DLEC1: variants seen among roughly 807,000 people sequenced by gnomAD.
DLEC1 encodes the protein DLEC1 cilia and flagella associated protein, also known as deleted in lung and esophageal cancer protein 1.
In DLEC1, 146 loss-of-function variants were observed where a neutral mutation model predicts 198.1. The ratio of observed to expected loss-of-function variants is 0.74; its 90% CI spans 0.64 to 0.85. DLEC1 has a LOEUF of 0.85. Ranked by LOEUF, DLEC1 falls within the 40% of genes least tolerant of loss-of-function variation. The pLI is 0.00. For missense variants in DLEC1, 2,233 were observed against 2,220.0 expected (o/e 1.01, Z -0.12); for synonymous variants, 897 against 866.8 (o/e 1.03, Z -0.61).
At position 38,109,437 on chromosome 3, in the gene DLEC1, G is replaced by A; in HGVS notation, c.3135G>A (p.Glu1045=). 1 of 1,614,178 alleles carries A rather than the reference G, an allele frequency of 6.2e-7. No homozygotes were observed. The highest frequency in any genetic ancestry group is 8.5e-7 in the Non-Finnish European group (1 of 1,180,000). The change falls in exon 22 of 37, where the codon GAG becomes GAA. Residue 1045 remains glutamate, a synonymous_variant. Coordinates refer to ENST00000308059, the MANE Select transcript of DLEC1 (RefSeq NM_007335.4). ...KLELTAHTQE[E]LTHLALPCHV... is the part of the protein sequence containing the mutation. ...CTGGATGGGCTTTCTTATAGGAAGA[G>A]CTGACCCATCTGGCCCTCCCTTGTC...
intron 6 of DLEC1, among the ~76,000 whole-genome samples, chr3:38,073,459 A>G (rs13088469): frequency 0.42 from 63,578 of 151,838 alleles, 13,906 homozygotes; most frequent in East Asian, 0.6. Context: ...GGATGGTAAT[A>G]GGCATGTGAT....
chr3:38,085,873 G>A (rs1455751493), intron 8 of DLEC1, among the ~76,000 whole-genome samples: 1 of 152,132 alleles, frequency 6.6e-6, no homozygotes, highest in Non-Finnish European at 1.5e-5. Context: ...CTCCCTCAGC[G>A]ACAAGCTTCT....
intron 2 of DLEC1, among the ~76,000 whole-genome samples, chr3:38,057,952 G>T (rs1412485068): frequency 6.6e-6 from 1 of 151,880 alleles, no homozygotes; most frequent in East Asian, 1.9e-4. Flanking sequence ...GAGTAGCTGG[G>T]ACTATAGGCG....
intron 10 of DLEC1, among the ~76,000 whole-genome samples, chr3:38,090,355 A>G (rs1322575339): frequency 6.6e-6 from 1 of 152,206 alleles, no homozygotes; most frequent in Non-Finnish European, 1.5e-5. Flanking sequence ...GCAACTGCAC[A>G]TGTTTTTACC....
chr3:38,053,859 T>A (rs1260535120), intron 2 of DLEC1, among the ~76,000 whole-genome samples: 1 of 152,248 alleles, frequency 6.6e-6, no homozygotes, highest in East Asian at 1.9e-4. Context: ...AGAAAAATTC[T>A]TCTGCCTTGG....
chr3:38,121,643 G>A lies in DLEC1; in HGVS notation c.4882G>A (p.Ala1628Thr), dbSNP rs372832266. The A allele has an allele frequency of 9.3e-6, 15 of 1,613,664 alleles. No homozygotes were observed. The African/African-American group carries it at 1.7e-4, about 19-fold the overall frequency. The change falls in exon 35 of 37, where the codon GCT becomes ACT. Residue 1628 changes from alanine to threonine, a missense_variant. Coordinates refer to ENST00000308059, the MANE Select transcript of DLEC1 (RefSeq NM_007335.4). ...NQTTQVVPLR[A>T]VVAVPELQLS... Reference sequence around the variant, plus strand: ...TCTCCCACAGGTGGTGCCCCTGCGGGCTGTGGTGGCCGTGCCTGAGCTGCA... The same window carrying A: ...TCTCCCACAGGTGGTGCCCCTGCGGACTGTGGTGGCCGTGCCTGAGCTGCA...
rs1379540428 is a variant in DLEC1, at chr3:38,062,488, G to T, written c.874-93G>T. 4 of 1,575,772 alleles carry T rather than the reference G, an allele frequency of 2.5e-6. No individual in the cohort carries two copies. In the African/African-American group the frequency reaches 5.4e-5, roughly 21 times the overall value. Reference sequence around the variant, plus strand: ...CATCGCAAAATAGAGTAGAGCTTGTGTTGGCCATCTATGGGTCATGCAGTT... The same window carrying T: ...CATCGCAAAATAGAGTAGAGCTTGTTTTGGCCATCTATGGGTCATGCAGTT... On this transcript the variant is annotated intron_variant, in intron 4 of 36. Coordinates refer to ENST00000308059, the MANE Select transcript of DLEC1 (RefSeq NM_007335.4).
In DLEC1 at chr3:38,039,492, C is replaced by G; in HGVS notation, c.267C>G (p.Thr89=). 6.2e-7 allele frequency: 1 copy of G among 1,614,062 alleles called. No individual in the cohort carries two copies. The highest frequency in any genetic ancestry group is 1.1e-5 in the South Asian group (1 of 91,090). ...GTCTGCGCCCCTCCTCGCTGCGCAC[C>G]CAAGATATCTCGCACTTGCTCACCG... The part of the protein sequence containing the change: ...LLRLRPSSLR[T]QDISHLLTGV... Residue 89 remains threonine (T), a synonymous_variant, in exon 1 of 37, where the codon ACC becomes ACG. Transcript: ENST00000308059.
At chr3:38,062,503 G>A (rs757904431) in intron 4 of DLEC1, 78 bp from the exon 5 acceptor site, 103 of 1,581,820 alleles carry the variant, frequency 6.5e-5, no homozygotes, top group Non-Finnish European at 8.7e-5. Flanking sequence ...CCATCTATGG[G>A]TCATGCAGTT....
At position 38,045,545 on chromosome 3, in the gene DLEC1, T is replaced by G; in HGVS notation, c.414T>G (p.Ile138Met). The change falls in exon 2 of 37, where the codon ATT becomes ATG. Residue 138 changes from isoleucine to methionine, a missense_variant and splice_region_variant. Ile to Met is a conservative substitution (Grantham distance 10). Transcript: ENST00000308059. The stretch of plus-strand genomic sequence containing the variant: ...GCATTTGATCATCCCCCTGCCAGAT[T>G]CGGGAGCTCTATAAGCAGCGGCTGG... The part of the protein sequence containing the change: ...HEEFVDQLQQ[I>M]RELYKQRLDE... 1 of 1,612,250 alleles carries G rather than the reference T, an allele frequency of 6.2e-7. No individual in the cohort carries two copies. Among genetic ancestry groups the G allele is most frequent in the Non-Finnish European group, 8.5e-7 (1 of 1,179,374 alleles).
intron 10 of DLEC1, among the ~76,000 whole-genome samples, chr3:38,089,736 AG>A (rs1224528682): frequency 6.6e-6 from 1 of 152,224 alleles, no homozygotes; most frequent in Non-Finnish European, 1.5e-5. Flanking sequence ...AGAGGGTAGC[AG>A]CAGGACTCTT....
Position 38,039,466 on chromosome 3 carries a change from C to A in DLEC1, c.241C>A (p.Arg81Ser). The change falls in exon 1 of 37, where the codon CGT (arginine) becomes AGT (serine). Residue 81 changes from arginine (R) to serine (S), a missense_variant. Transcript: ENST00000308059. ...LAQRPEPQLL[R>S]LRPSSLRTQD... ...GCAGCGTCCCGAGCCTCAGCTGCTT[C>A]GTCTGCGCCCCTCCTCGCTGCGCAC... The A allele has an allele frequency of 6.2e-7, 1 of 1,614,030 alleles. No homozygotes were observed. Among genetic ancestry groups the A allele is most frequent in the Non-Finnish European group, 8.5e-7 (1 of 1,179,892 alleles).
intron 2 of DLEC1, among the ~76,000 whole-genome samples, chr3:38,047,752 A>T (rs981084094): frequency 6.6e-6 from 1 of 152,166 alleles, no homozygotes; most frequent in African/African-American, 2.4e-5. Context: ...TGTGGTTGCT[A>T]TCTCTCCTTT....
rs186909559 is a variant in DLEC1, at chr3:38,122,664, G to A, written c.*252G>A. 7.2e-5 allele frequency: 105 copies of A among 1,448,796 alleles called. 1 individual carries two copies. The highest frequency in any genetic ancestry group is 5.4e-4 in the Admixed American group (21 of 38,772). 89.7% of individuals were successfully genotyped at this position (1,448,796 alleles called of 1,614,324 possible). On this transcript the variant is annotated 3_prime_UTR_variant, in exon 37 of 37. Transcript: ENST00000308059. ...TTGAGATCACTACTCAGTGCATAGC[G>A]AAGACCAGTATGGCAAAATTAGTCT...
At position 38,052,009 on chromosome 3, in the gene DLEC1, G is replaced by C. The variant is rs1701142000; in HGVS notation, c.562+6316G>C. On this transcript the variant is annotated intron_variant, in intron 2 of 36. Transcript: ENST00000308059. ...TAGACATCAAACCTGCTAACCTGGA[G>C]CAGCTGACAGAAGTCATTGTGGCAG... 4 of 193,614 alleles carry C rather than the reference G, an allele frequency of 2.1e-5. 1 individual carries two copies. In the East Asian group the frequency reaches 4.4e-4, roughly 21 times the overall value. The allele number at this position is 193,614 out of a possible 1,614,324, so 12.0% of individuals were successfully genotyped here.
At chr3:38,107,501 A>G (rs554992324) in intron 19 of DLEC1, 83 bp from the exon 20 acceptor site, 4 of 1,378,642 alleles carry the variant, frequency 2.9e-6, no homozygotes, top group African/African-American at 1.5e-5. Context: ...GATTTTCTAC[A>G]TAGACTGCAT....
intron 6 of DLEC1, among the ~76,000 whole-genome samples, chr3:38,065,287 A>G (rs952037574): frequency 2.0e-5 from 3 of 152,196 alleles, no homozygotes; most frequent in Non-Finnish European, 4.4e-5. Flanking sequence ...AGATGGCGGC[A>G]GTACAGTCCA....
At chr3:38,100,072 A>T (rs1699227053) in intron 18 of DLEC1, among the ~76,000 whole-genome samples, 1 of 152,124 alleles carries the variant, frequency 6.6e-6, no homozygotes, top group African/African-American at 2.4e-5. Flanking sequence ...TGACTTATGT[A>T]TTCCTTTACT....
At position 38,045,287 on chromosome 3, in the gene DLEC1, G is replaced by C. The variant is rs558211869; in HGVS notation, c.412-256G>C. 3.3e-5 allele frequency among the ~76,000 whole-genome samples: 5 copies of C among 152,302 alleles called. No individual in the cohort carries two copies. The East Asian group carries it at 5.8e-4, about 18-fold the overall frequency. ...TTGGTATTTCACTGTTTGGATGGCA[G>C]CTCTCTTTATTGTGAAGCCAGGAGA... On this transcript the variant is annotated intron_variant, in intron 1 of 36. Transcript: ENST00000308059.
Sources: gnomAD v4.1 joint callset for allele counts (sites outside exome capture counted in the v4.1 genomes callset) on GRCh38, gnomAD v4.1.1 for gene constraint, MANE v1.5 for transcripts, NCBI Gene and HGNC (gene_info 2026-07-23, HGNC 2026-07-21) for gene names.